The following CNTNAP2 variants were observed in gnomAD, a reference collection of about 807,000 sequenced individuals.
CNTNAP2 encodes contactin associated protein 2.
Under a neutral mutation model 155.2 loss-of-function variants are expected in CNTNAP2, and 98 were observed. The observed-to-expected ratio is 0.63, with a 90% CI of 0.54 to 0.75. CNTNAP2 has a LOEUF of 0.75. Among genes scored for constraint, CNTNAP2 ranks in the 30% least tolerant of loss-of-function variants. The pLI is 0.00. For missense variants in CNTNAP2, 1,727 were observed against 1,688.1 expected (o/e 1.02, Z -0.40); for synonymous variants, 651 against 631.2 (o/e 1.03, Z -0.47).
At chr7:147,072,901 G>A (rs1285788205) in intron 4 of CNTNAP2, among the ~76,000 whole-genome samples, 35 of 135,952 alleles carry the variant, frequency 2.6e-4, no homozygotes, top group Non-Finnish European at 1.1e-4. Flanking sequence ...TGCCCAGGCT[G>A]GAGTGCAGTG....
Position 147,213,484 on chromosome 7 carries a change from A to G in CNTNAP2, c.1348+80975A>G, listed in dbSNP as rs142843903. Among the ~76,000 whole-genome samples the G allele has an allele frequency of 3.0e-3, 458 of 152,194 alleles. 2 individuals are homozygous for G. The highest frequency in any genetic ancestry group is 0.01 in the African/African-American group (425 of 41,520). ...ACACCAAGGAAATCATGTTAGTATT[A>G]TTGCAAAGATATCCACAATGCATTT... On this transcript the variant is annotated intron_variant, in intron 8 of 23. Transcript: ENST00000361727.
chr7:147,131,640 G>T (rs1268177193), intron 7 of CNTNAP2, among the ~76,000 whole-genome samples: 1 of 151,794 alleles, frequency 6.6e-6, no homozygotes, highest in Non-Finnish European at 1.5e-5. Context: ...TTTTGAGTTG[G>T]ATACTAAAAT....
chr7:148,259,179 T>TAA (rs34229180), intron 20 of CNTNAP2, among the ~76,000 whole-genome samples: 2,132 of 24,042 alleles, frequency 0.089, 640 homozygotes, highest in African/African-American at 0.094. Context: ...AACTCCGTCT[T>TAA]AAAAAAAAAA....
intron 13 of CNTNAP2, among the ~76,000 whole-genome samples, chr7:147,780,313 A>G (rs1014565520): frequency 6.6e-6 from 1 of 152,224 alleles, no homozygotes. Context: ...TGGCTGCTTC[A>G]CTATATACAG....
intron 8 of CNTNAP2, among the ~76,000 whole-genome samples, chr7:147,225,878 A>AGAAGAAAGGAAG (rs1803523804): frequency 2.7e-5 from 3 of 111,576 alleles, no homozygotes; most frequent in Non-Finnish European, 5.7e-5. Flanking sequence ...AAGGAGGGAA[A>AGAAGAAAGGAAG]GAAGGAAGGA....
Position 148,071,296 on chromosome 7 carries a change from G to A in CNTNAP2, c.2384-46822G>A, listed in dbSNP as rs570151940. On this transcript the variant is annotated intron_variant, in intron 15 of 23. Transcript: ENST00000361727. ...GTTCGAGACCAGTCTGGCCAACATG[G>A]TGAGACCCCGTCTCTACTAAAAATA... is the stretch of plus-strand genomic sequence containing the variant. 1.6e-4 allele frequency among the ~76,000 whole-genome samples: 25 copies of A among 152,234 alleles called. No homozygotes were observed. The South Asian group carries it at 4.8e-3, about 29-fold the overall frequency.
intron 1 of CNTNAP2, among the ~76,000 whole-genome samples, chr7:146,263,478 T>G (rs1799951094): frequency 6.6e-6 from 1 of 152,206 alleles, no homozygotes; most frequent in Non-Finnish European, 1.5e-5. Flanking sequence ...AATCTTGGGT[T>G]TTTTTATCAG....
At chr7:147,507,550 C>CTTTTTTTTTTTT (rs3052511) in intron 11 of CNTNAP2, among the ~76,000 whole-genome samples, 4 of 82,024 alleles carry the variant, frequency 4.9e-5, no homozygotes, top group African/African-American at 9.9e-5. Context: ...CTCTTTCTTT[C>CTTTTTTTTTTTT]TTTTTTTTTT....
In CNTNAP2 at chr7:146,869,165, C is replaced by T. The variant is rs142999958; in HGVS notation, c.402+29261C>T. On this transcript the variant is annotated intron_variant, in intron 3 of 23. Transcript: ENST00000361727. ...TTGGCTGTGGTTTTGTCATAGATAGCTCTTATTATTTTGAGGTATGTTCCT... is the reference window on the plus strand; with the variant it reads ...TTGGCTGTGGTTTTGTCATAGATAGTTCTTATTATTTTGAGGTATGTTCCT... Among the ~76,000 whole-genome samples the T allele has an allele frequency of 8.2e-3, 1,246 of 152,222 alleles. 13 individuals carry two copies. Among genetic ancestry groups the T allele is most frequent in the African/African-American group, 0.028 (1,182 of 41,538 alleles).
At chr7:146,223,345 G>A (rs1418337574) in intron 1 of CNTNAP2, among the ~76,000 whole-genome samples, 1 of 152,170 alleles carries the variant, frequency 6.6e-6, no homozygotes, top group Non-Finnish European at 1.5e-5. Context: ...TTTATAAGGA[G>A]GAAAGCTGGA....
chr7:148,028,970 A>C (rs1042990578), intron 15 of CNTNAP2, among the ~76,000 whole-genome samples: 8 of 152,198 alleles, frequency 5.3e-5, no homozygotes, highest in Non-Finnish European at 1.0e-4. Flanking sequence ...TTTTGTTTTC[A>C]TATGTCTCCA....
chr7:147,996,242 A>T (rs1377792677), intron 15 of CNTNAP2, among the ~76,000 whole-genome samples: 1 of 152,240 alleles, frequency 6.6e-6, no homozygotes. Context: ...TCTTATATGT[A>T]CTGGCAAACC....
chr7:147,868,089 T>C (rs1482515546), intron 13 of CNTNAP2, among the ~76,000 whole-genome samples: 1 of 152,176 alleles, frequency 6.6e-6, no homozygotes, highest in Non-Finnish European at 1.5e-5. Context: ...TGTGGTTTTA[T>C]CTACCTTTGG....
intron 13 of CNTNAP2, among the ~76,000 whole-genome samples, chr7:147,858,824 C>T (rs1799088312): frequency 6.6e-6 from 1 of 152,190 alleles, no homozygotes; most frequent in Non-Finnish European, 1.5e-5. Context: ...ATATTCTCCC[C>T]TAGAGACTTC....
At chr7:146,524,265 C>G (rs996266431) in intron 1 of CNTNAP2, among the ~76,000 whole-genome samples, 1 of 152,118 alleles carries the variant, frequency 6.6e-6, no homozygotes, top group East Asian at 1.9e-4. Context: ...AATATCTGCT[C>G]TTTATCTTAC....
intron 11 of CNTNAP2, among the ~76,000 whole-genome samples, chr7:147,525,260 G>A (rs1032458894): frequency 1.3e-5 from 2 of 152,154 alleles, no homozygotes; most frequent in Non-Finnish European, 2.9e-5. Flanking sequence ...GCTGTCTTAG[G>A]AATTCTAAAT....
chr7:148,381,699 T>A (rs1357673513), intron 21 of CNTNAP2: 2 of 152,228 alleles, frequency 1.3e-5, no homozygotes, highest in Admixed American at 6.5e-5. Context: ...AGTTCTCACT[T>A]TGGGCTGCAG....
intron 9 of CNTNAP2, among the ~76,000 whole-genome samples, chr7:147,323,591 G>T (rs1430097811): frequency 6.6e-6 from 1 of 151,678 alleles, no homozygotes; most frequent in African/African-American, 2.4e-5. Flanking sequence ...TGTCTATTAG[G>T]TCCGCTTGGT....
intron 1 of CNTNAP2, among the ~76,000 whole-genome samples, chr7:146,772,678 T>G (rs56238919): frequency 1.7e-4 from 26 of 149,748 alleles, no homozygotes; most frequent in South Asian, 2.1e-4. Flanking sequence ...CAAATAAAAA[T>G]AAAAAAGAAA....
Sources: gnomAD v4.1 joint callset for allele counts (sites outside exome capture counted in the v4.1 genomes callset) on GRCh38, gnomAD v4.1.1 for gene constraint, MANE v1.5 for transcripts, NCBI Gene and HGNC (gene_info 2026-07-23, HGNC 2026-07-21) for gene names.